FARP2: variants seen among roughly 807,000 people sequenced by gnomAD.
FARP2 encodes FERM, ARHGEF and pleckstrin domain-containing protein 2.
In FARP2, 111 loss-of-function variants were observed where a neutral mutation model predicts 130.5. That is an observed-to-expected ratio of 0.85 (90% confidence interval 0.73 to 1.00). FARP2 has a LOEUF of 1.00. Ranked by LOEUF, FARP2 falls within the 50% of genes least tolerant of loss-of-function variation. The pLI is 0.00. For missense variants in FARP2, 1,385 were observed against 1,346.3 expected, an observed-to-expected ratio of 1.03 and a Z score of -0.45; for synonymous variants, 504 against 516.9, an observed-to-expected ratio of 0.98 and a Z score of 0.34.
At position 241,480,938 on chromosome 2, in the gene FARP2, G is replaced by C. The variant is rs1574904853; in HGVS notation, c.2263-2527G>C. Among the ~76,000 whole-genome samples, 3 of 152,032 alleles carry C rather than the reference G, an allele frequency of 2.0e-5. No individual in the cohort carries two copies. In the South Asian group the frequency reaches 6.2e-4, roughly 32 times the overall value. ...TAACCCTTGTAGAAGTTCAATGGGG[G>C]CTGGGCATAGTGGCTCAAGCCTATA... is the stretch of plus-strand genomic sequence containing the variant. On this transcript the variant is annotated intron_variant, in intron 19 of 26. Transcript: ENST00000264042.
Position 241,456,789 on chromosome 2 carries a change from A to G in FARP2, c.1454A>G (p.Lys485Arg). The G allele has an allele frequency of 6.2e-7, 1 of 1,614,134 alleles. No homozygotes were observed. The highest frequency in any genetic ancestry group is 8.5e-7 in the Non-Finnish European group (1 of 1,180,010). Residue 485 changes from lysine (K) to arginine (R), a missense_variant, in exon 14 of 27, where the codon AAG (lysine) becomes AGG (arginine). Transcript: ENST00000264042. ...KSPQPSPSSR[K>R]SPLSLSPAFQ... is the part of the protein sequence containing the mutation. ...CCTCAGCCTTCTCCCTCCAGCCGGA[A>G]GAGCCCCCTGAGTCTGAGCCCTGCA...
intron 10 of FARP2, 39 bp downstream of exon 10, chr2:241,434,360 GT>G: frequency 6.8e-7 from 1 of 1,481,444 alleles, no homozygotes; most frequent in Non-Finnish European, 9.1e-7. Flanking sequence ...CCCCTCACTG[GT>G]TTGTAAAGCT....
intron 13 of FARP2, among the ~76,000 whole-genome samples, chr2:241,453,454 C>T (rs2063733046): frequency 6.6e-6 from 1 of 150,654 alleles, no homozygotes; most frequent in Non-Finnish European, 1.5e-5. Flanking sequence ...AACCCCGTCT[C>T]TACTAAAAAT....
At chr2:241,489,914 T>C in intron 21 of FARP2, 48 bp from the exon 22 acceptor site, 1 of 1,319,876 alleles carries the variant, frequency 7.6e-7, no homozygotes. Flanking sequence ...GCTTAGGCTG[T>C]CAGTTCCTTC....
In FARP2 at chr2:241,479,076, G is replaced by A. The variant is rs898948059; in HGVS notation, c.2262+3089G>A. 14 of 498,834 alleles carry A rather than the reference G, an allele frequency of 2.8e-5. 1 individual carries two copies. Among genetic ancestry groups the A allele is most frequent in the South Asian group, 2.5e-4 (8 of 32,154 alleles). The allele number at this position is 498,834 out of a possible 1,614,324, so 30.9% of individuals were successfully genotyped here. On this transcript the variant is annotated intron_variant, in intron 19 of 26. Transcript: ENST00000264042. The stretch of plus-strand genomic sequence containing the variant: ...TACCATGTCCAGGAAGCTTGGCTGC[G>A]AGAAGGAACCTGCTTTTGATCATTT...
In FARP2 at chr2:241,465,524, C is replaced by A. The variant is rs771390763; in HGVS notation, c.1893+1544C>A. 3.1e-5 allele frequency: 48 copies of A among 1,550,448 alleles called. 3 individuals are homozygous for A. Among genetic ancestry groups the A allele is most frequent in the Non-Finnish European group, 4.4e-6 (5 of 1,146,986 alleles). On this transcript the variant is annotated intron_variant, in intron 17 of 26. Coordinates refer to ENST00000264042, the MANE Select transcript of FARP2 (RefSeq NM_014808.4). The stretch of plus-strand genomic sequence containing the variant: ...AAAATGGAGTAGACTTTTGGATAGG[C>A]AGGGGCAGCACTGGGGGAAGTGAGA...
At chr2:241,473,369 C>G (rs1320239860) in intron 18 of FARP2, among the ~76,000 whole-genome samples, 1 of 151,776 alleles carries the variant, frequency 6.6e-6, no homozygotes, top group East Asian at 1.9e-4. Flanking sequence ...AGATGCTATT[C>G]TGTGGGGGCC....
intron 1 of FARP2, among the ~76,000 whole-genome samples, chr2:241,368,839 T>C (rs1359383814): frequency 2.0e-5 from 3 of 152,168 alleles, no homozygotes; most frequent in Admixed American, 6.5e-5. Context: ...TAAGTCTTAG[T>C]CTTAAATTTA....
At chr2:241,458,650 A>T (rs2063930964) in intron 14 of FARP2, among the ~76,000 whole-genome samples, 1 of 152,248 alleles carries the variant, frequency 6.6e-6, no homozygotes, top group East Asian at 1.9e-4. Flanking sequence ...AAACCTAATG[A>T]CAATCTCTTT....
rs1553709361 is a variant in FARP2 at position 241,382,290 on chromosome 2, C to CTCTTTTTT, written c.183+9001_183+9002insCTTTTTTT. Among the ~76,000 whole-genome samples, 11 of 127,208 alleles carry CTCTTTTTT rather than the reference C, an allele frequency of 8.6e-5. 1 individual carries two copies. Among genetic ancestry groups the CTCTTTTTT allele is most frequent in the Non-Finnish European group, 1.2e-4 (7 of 58,538 alleles). The allele number at this position is 127,208 out of a possible 152,430, so 83.5% of individuals were successfully genotyped here. A position where few individuals can be genotyped will look rare whatever the true frequency, so the allele number is the denominator to read the frequency against. On this transcript the variant is annotated intron_variant, in intron 2 of 26. Coordinates refer to ENST00000264042, the MANE Select transcript of FARP2 (RefSeq NM_014808.4). Reference sequence around the variant, plus strand: ...TATTTTCAGTTTCTCTGTACAAAATCTATTTTTTTTTTTTTTTTTTTTGAG... The same window carrying CTCTTTTTT: ...TATTTTCAGTTTCTCTGTACAAAATCTCTTTTTTTATTTTTTTTTTTTTTTTTTTTGAG...
intron 22 of FARP2, among the ~76,000 whole-genome samples, chr2:241,490,829 C>T (rs548465577): frequency 4.6e-5 from 7 of 152,346 alleles, no homozygotes; most frequent in African/African-American, 1.7e-4. Flanking sequence ...CGGGGCCCTG[C>T]CCTGGCACCC....
intron 2 of FARP2, among the ~76,000 whole-genome samples, chr2:241,394,435 A>G (rs2061981096): frequency 6.6e-6 from 1 of 151,342 alleles, no homozygotes; most frequent in African/African-American, 2.4e-5. Context: ...GGAGAATGGC[A>G]TGAATCCAGG....
intron 22 of FARP2, 134 bp downstream of exon 22, chr2:241,490,178 A>G: frequency 3.0e-6 from 2 of 660,610 alleles, no homozygotes; most frequent in South Asian, 3.6e-5. Flanking sequence ...TTTGACTCTG[A>G]GCTCTGCTTC....
chr2:241,481,823 C>A (rs938517353), intron 19 of FARP2, among the ~76,000 whole-genome samples: 2 of 152,164 alleles, frequency 1.3e-5, no homozygotes, highest in Non-Finnish European at 2.9e-5. Flanking sequence ...GCATCAAACT[C>A]AGGCTCTCCA....
chr2:241,357,554 G>A (rs1051034077), intron 1 of FARP2, among the ~76,000 whole-genome samples: 5 of 152,188 alleles, frequency 3.3e-5, no homozygotes, highest in Non-Finnish European at 5.9e-5. Flanking sequence ...ACTCTTCAGA[G>A]ACATGACCAA....
intron 22 of FARP2, 78 bp downstream of exon 22, chr2:241,490,122 C>A: frequency 9.7e-7 from 1 of 1,034,422 alleles, no homozygotes; most frequent in South Asian, 1.3e-5. Flanking sequence ...GCCTCTGAGT[C>A]CTCTGAGCTG....
At chr2:241,446,887 C>T (rs1232787462) in intron 13 of FARP2, 4 of 152,114 alleles carry the variant, frequency 2.6e-5, no homozygotes, top group Non-Finnish European at 4.4e-5. Flanking sequence ...CCATGCCTGA[C>T]GTGTCCCCTA....
intron 19 of FARP2, 108 bp downstream of exon 19, chr2:241,476,095 A>G: frequency 2.8e-6 from 3 of 1,061,632 alleles, no homozygotes; most frequent in Non-Finnish European, 2.7e-6. Context: ...AATTTTGGCC[A>G]GGCACAGTGG....
chr2:241,432,664 A>G (rs1310000423), intron 9 of FARP2, among the ~76,000 whole-genome samples: 1 of 152,240 alleles, frequency 6.6e-6, no homozygotes, highest in Non-Finnish European at 1.5e-5. Flanking sequence ...ATAATTACAT[A>G]TGAATTTACT....
Sources: allele counts gnomAD v4.1 joint callset (sites outside exome capture counted in the v4.1 genomes callset), GRCh38; gene constraint gnomAD v4.1.1; transcripts MANE v1.5; gene names NCBI Gene and HGNC (gene_info 2026-07-23, HGNC 2026-07-21).